The following NINL variants were observed in gnomAD, a reference collection of about 807,000 sequenced individuals.
NINL encodes the protein ninein like.
In NINL, 153 loss-of-function variants were observed where a neutral mutation model predicts 160.3. That is an observed-to-expected ratio of 0.95 (90% CI 0.84 to 1.09). The LOEUF is 1.09. Ranked by LOEUF, NINL falls within the 50% of genes least tolerant of loss-of-function variation. The probability of loss-of-function intolerance (pLI) is 0.00; values close to 1 mark genes in which losing one functional copy is unlikely to be tolerated. For missense variants in NINL, 1,829 were observed against 1,764.0 expected (o/e 1.04, Z -0.66); for synonymous variants, 800 against 734.8 (o/e 1.09, Z -1.43).
intron 5 of NINL, among the ~76,000 whole-genome samples, chr20:25,508,191 A>C (rs2063998900): frequency 1.3e-5 from 2 of 152,230 alleles, no homozygotes; most frequent in African/African-American, 2.4e-5. Context: ...CTGAGACAAA[A>C]GTTGAACAAA....
At chr20:25,455,370 G>C (rs555674625) in intron 23 of NINL, among the ~76,000 whole-genome samples, 3 of 152,216 alleles carry the variant, frequency 2.0e-5, no homozygotes, top group African/African-American at 7.2e-5. Flanking sequence ...GCTCAGCCCT[G>C]CTCATCTCAG....
intron 1 of NINL, among the ~76,000 whole-genome samples, chr20:25,578,635 T>A (rs999111806): frequency 6.7e-6 from 1 of 149,874 alleles, no homozygotes; most frequent in African/African-American, 2.5e-5. Flanking sequence ...CTACTAAAAA[T>A]AGAAAAAATT....
intron 1 of NINL, among the ~76,000 whole-genome samples, chr20:25,572,299 C>T (rs1288597225): frequency 2.0e-5 from 3 of 151,752 alleles, no homozygotes; most frequent in African/African-American, 7.3e-5. Flanking sequence ...AAAAAAACGG[C>T]CCCAGGAGAT....
chr20:25,581,888 A>G (rs2065178850), intron 1 of NINL, among the ~76,000 whole-genome samples: 1 of 152,244 alleles, frequency 6.6e-6, no homozygotes, highest in Non-Finnish European at 1.5e-5. Context: ...CAGTCCTATA[A>G]ATCACAACAT....
At chr20:25,571,891 AAAG>A (rs1353567974) in intron 1 of NINL, among the ~76,000 whole-genome samples, 3 of 147,900 alleles carry the variant, frequency 2.0e-5, no homozygotes, top group Non-Finnish European at 3.0e-5. Context: ...AAAAAAAAAA[AAAG>A]GTTGCTTTAG....
chr20:25,530,890 T>C (rs910714882), intron 1 of NINL, among the ~76,000 whole-genome samples: 8 of 152,188 alleles, frequency 5.3e-5, no homozygotes, highest in Non-Finnish European at 7.4e-5. Context: ...CACATTGTCA[T>C]TGATAACATC....
intron 1 of NINL, among the ~76,000 whole-genome samples, chr20:25,546,914 C>T (rs1033732331): frequency 3.3e-5 from 5 of 152,292 alleles, no homozygotes; most frequent in South Asian, 2.1e-4. Flanking sequence ...AAGAAGTTGG[C>T]GTGGCTTCTT....
chr20:25,558,988 A>C (rs2064901059), intron 1 of NINL, among the ~76,000 whole-genome samples: 1 of 152,232 alleles, frequency 6.6e-6, no homozygotes, highest in Non-Finnish European at 1.5e-5. Flanking sequence ...CCAAGATCTT[A>C]TGATATTCTC....
At chr20:25,520,050 C>T (rs1168267004) in intron 2 of NINL, among the ~76,000 whole-genome samples, 1 of 14,298 alleles carries the variant, frequency 7.0e-5, no homozygotes, top group Non-Finnish European at 1.0e-4. Flanking sequence ...TATTAAAATG[C>T]AGAATTTAAA....
intron 3 of NINL, among the ~76,000 whole-genome samples, chr20:25,513,277 T>G (rs1251077376): frequency 2.0e-5 from 3 of 152,224 alleles, no homozygotes; most frequent in Non-Finnish European, 4.4e-5. Context: ...TTCAAGCATA[T>G]TTTGCTTTTA....
rs548812248 is a variant in NINL, at chr20:25,549,660, G to A, written c.-11-23062C>T. On this transcript the variant is annotated intron_variant, in intron 1 of 23. Coordinates refer to ENST00000278886, the MANE Select transcript of NINL (RefSeq NM_025176.6). ...GCACGAGTGGAACTAAATCAATGTC[G>A]TGGCCTGAGGTCGTGCAGCACAATG... Among the ~76,000 whole-genome samples, 14 of 152,270 alleles carry A rather than the reference G, an allele frequency of 9.2e-5. No individual in the cohort carries two copies. The South Asian group carries it at 1.4e-3, about 16-fold the overall frequency.
chr20:25,513,074 G>A (rs2064103588), intron 3 of NINL, 68 bp from the exon 4 acceptor site: 1 of 1,503,754 alleles, frequency 6.7e-7, no homozygotes, highest in Admixed American at 2.0e-5. Context: ...AGGCCAGCAG[G>A]TACCCTCTGA....
intron 1 of NINL, among the ~76,000 whole-genome samples, chr20:25,539,734 C>T (rs2064629531): frequency 6.6e-6 from 1 of 152,232 alleles, no homozygotes; most frequent in African/African-American, 2.4e-5. Flanking sequence ...CCCTAACTCT[C>T]CCCAGGGAGC....
chr20:25,560,585 C>A (rs769939578), intron 1 of NINL, among the ~76,000 whole-genome samples: 35 of 152,280 alleles, frequency 2.3e-4, no homozygotes, highest in Non-Finnish European at 2.4e-4. Context: ...TGGTTTCTGT[C>A]ACTTCCCCAG....
intron 21 of NINL, 85 bp from the exon 22 acceptor site, chr20:25,458,614 C>T: frequency 4.4e-6 from 6 of 1,370,938 alleles, no homozygotes; most frequent in Non-Finnish European, 5.8e-6. Flanking sequence ...GACACCCCCA[C>T]CTGCAAGGGC....
At chr20:25,490,563 GAAAAAAA>G (rs59001259) in intron 11 of NINL, among the ~76,000 whole-genome samples, 2 of 79,792 alleles carry the variant, frequency 2.5e-5, no homozygotes, top group Non-Finnish European at 5.4e-5. Flanking sequence ...CCATCTCAAG[GAAAAAAA>G]AAAAAAAAAA....
At chr20:25,573,424 G>A (rs888821874) in intron 1 of NINL, among the ~76,000 whole-genome samples, 4 of 152,058 alleles carry the variant, frequency 2.6e-5, no homozygotes, top group African/African-American at 9.7e-5. Context: ...CCAGCCATGC[G>A]ATTAGGAGCC....
chr20:25,478,346 G>C (rs765020838), intron 16 of NINL, among the ~76,000 whole-genome samples: 1 of 152,176 alleles, frequency 6.6e-6, no homozygotes. Context: ...ACAGGACAGT[G>C]GGTGCCAGCT....
intron 1 of NINL, among the ~76,000 whole-genome samples, chr20:25,543,414 G>A (rs148285748): frequency 6.6e-6 from 1 of 152,288 alleles, no homozygotes; most frequent in Non-Finnish European, 1.5e-5. Context: ...AGCCGGGCTT[G>A]GTGCTTTGTG....
Sources: allele counts gnomAD v4.1 joint callset (sites outside exome capture counted in the v4.1 genomes callset), GRCh38; gene constraint gnomAD v4.1.1; transcripts MANE v1.5; gene names NCBI Gene and HGNC (gene_info 2026-07-23, HGNC 2026-07-21).